Variants in DLGAP2 observed in about 807,000 individuals in gnomAD.
DLGAP2 encodes DLG associated protein 2.
DLGAP2 carries 26 observed loss-of-function variants against 100.3 expected under a neutral mutation model. The observed-to-expected ratio is 0.26, with a 90% confidence interval of 0.19 to 0.36. The LOEUF (loss-of-function observed/expected upper bound fraction) is 0.36, where lower values mean the gene tolerates loss of function less well. Ranked by LOEUF, DLGAP2 falls within the 10% of genes least tolerant of loss-of-function variation. The pLI is 1.00. For missense variants in DLGAP2, 1,858 were observed against 1,453.2 expected (o/e 1.28, Z -4.53); for synonymous variants, 886 against 630.1 (o/e 1.41, Z -6.08).
chr8:1,536,053 C>T (rs979327270), intron 4 of DLGAP2, among the ~76,000 whole-genome samples: 1 of 152,200 alleles, frequency 6.6e-6, no homozygotes, highest in Non-Finnish European at 1.5e-5. Context: ...GCCCCAGTTT[C>T]TCCATTAAAG....
At chr8:1,275,666 T>G (rs1019421016) in intron 3 of DLGAP2, among the ~76,000 whole-genome samples, 20 of 146,744 alleles carry the variant, frequency 1.4e-4, no homozygotes, top group African/African-American at 5.0e-4. Context: ...CTTCTGGAAC[T>G]TTGTCCCTGT....
chr8:1,528,917 AT>A (rs1396625957), intron 4 of DLGAP2, among the ~76,000 whole-genome samples: 2 of 152,228 alleles, frequency 1.3e-5, no homozygotes, highest in Non-Finnish European at 2.9e-5. Context: ...CCTTTCTGCA[AT>A]TTTTAAAAAT....
intron 2 of DLGAP2, among the ~76,000 whole-genome samples, chr8:1,127,756 A>G (rs1339813349): frequency 6.6e-6 from 1 of 152,168 alleles, no homozygotes; most frequent in Admixed American, 6.5e-5. Flanking sequence ...CCAGAGGAGG[A>G]CGGTTAACTA....
intron 2 of DLGAP2, among the ~76,000 whole-genome samples, chr8:1,167,748 AC>A (rs1437060564): frequency 1.3e-5 from 2 of 152,174 alleles, no homozygotes; most frequent in Admixed American, 1.3e-4. Flanking sequence ...CATTCAGTTG[AC>A]AAACATTTGT....
intron 8 of DLGAP2, among the ~76,000 whole-genome samples, chr8:1,640,412 G>A (rs978474771): frequency 3.9e-5 from 6 of 152,158 alleles, no homozygotes; most frequent in Non-Finnish European, 5.9e-5. Context: ...GCAGCACAGC[G>A]TAGTCCAAAT....
chr8:827,405 G>A (rs533557944), intron 1 of DLGAP2, among the ~76,000 whole-genome samples: 2 of 152,232 alleles, frequency 1.3e-5, no homozygotes, highest in South Asian at 4.1e-4. Flanking sequence ...ATACACATTT[G>A]GACTTTCAGG....
intron 3 of DLGAP2, among the ~76,000 whole-genome samples, chr8:1,493,559 G>T (rs1027212625): frequency 6.6e-6 from 1 of 152,234 alleles, no homozygotes; most frequent in African/African-American, 2.4e-5. Context: ...TGGGAGCCGC[G>T]AGGGTCCTGG....
rs781378594 is a variant in DLGAP2, at chr8:1,633,008, C to G, written c.1772C>G (p.Thr591Arg). Residue 591 changes from threonine (T) to arginine (R), a missense_variant, in exon 8 of 15, where the codon ACA (threonine) becomes AGA (arginine). Transcript: ENST00000637795. Reference protein sequence around the residue: ...SQDDECIPMMTPSDITSTIRS... With the variant: ...SQDDECIPMMRPSDITSTIRS... The stretch of plus-strand genomic sequence containing the variant: ...GATGACGAATGTATTCCCATGATGA[C>G]ACCCTCTGACATCACCTCCACCATC... 6.8e-6 allele frequency: 11 copies of G among 1,613,898 alleles called. No individual in the cohort carries two copies. The highest frequency in any genetic ancestry group is 9.3e-6 in the Non-Finnish European group (11 of 1,179,914).
intron 3 of DLGAP2, among the ~76,000 whole-genome samples, chr8:1,441,683 C>CA (rs35789497): frequency 0.034 from 2,542 of 74,212 alleles, 85 homozygotes; most frequent in African/African-American, 0.088. Context: ...GACTCCATCT[C>CA]AAAAAAAAAA....
At chr8:1,060,623 C>G (rs747421980) in intron 2 of DLGAP2, among the ~76,000 whole-genome samples, 4 of 152,218 alleles carry the variant, frequency 2.6e-5, no homozygotes, top group African/African-American at 4.8e-5. Context: ...GTAAAGACCT[C>G]ATTCCCGAGT....
intron 6 of DLGAP2, among the ~76,000 whole-genome samples, chr8:1,566,115 G>C (rs1185742720): frequency 2.0e-5 from 3 of 152,004 alleles, no homozygotes; most frequent in Non-Finnish European, 4.4e-5. Context: ...AGTGTGCTTG[G>C]GCAACTTCCT....
In DLGAP2 at chr8:1,350,711, T is replaced by A. The variant is rs113292117; in HGVS notation, c.106+91828T>A. Among the ~76,000 whole-genome samples, 72 of 63,136 alleles carry A rather than the reference T, an allele frequency of 1.1e-3. No individual in the cohort carries two copies. In the East Asian group the frequency reaches 0.016, roughly 14 times the overall value. 41.4% of individuals were successfully genotyped at this position (63,136 alleles called of 152,430 possible). On this transcript the variant is annotated intron_variant, in intron 3 of 14. Coordinates refer to ENST00000637795, the MANE Select transcript of DLGAP2 (RefSeq NM_001346810.2). ...GGAAAGGCCGTGCGGGTCCTGAGTG[T>A]GCGTGGAAAGGCCGTGCGGGTCCTG... is the stretch of plus-strand genomic sequence containing the variant.
At chr8:1,546,917 G>C (rs1425543885) in intron 4 of DLGAP2, among the ~76,000 whole-genome samples, 1 of 152,124 alleles carries the variant, frequency 6.6e-6, no homozygotes, top group East Asian at 1.9e-4. Context: ...ACGTGTGGGG[G>C]GATAGTTCCC....
chr8:767,356 T>TG (rs1253380606), intron 1 of DLGAP2, among the ~76,000 whole-genome samples: 1 of 150,132 alleles, frequency 6.7e-6, no homozygotes, highest in Non-Finnish European at 1.5e-5. Context: ...CTGTTTTTTT[T>TG]TTTTTTTTTT....
intron 2 of DLGAP2, among the ~76,000 whole-genome samples, chr8:936,188 G>T (rs559801908): frequency 1.3e-5 from 2 of 152,308 alleles, no homozygotes; most frequent in South Asian, 4.1e-4. Context: ...GTGAGCCTCT[G>T]TAGGAGTCTG....
At chr8:1,502,373 C>T (rs913763801) in intron 4 of DLGAP2, among the ~76,000 whole-genome samples, 3 of 152,150 alleles carry the variant, frequency 2.0e-5, no homozygotes, top group Admixed American at 1.3e-4. Context: ...AGAATAATAT[C>T]GAAAATTGAA....
chr8:1,193,682 C>G (rs1415976472), intron 2 of DLGAP2, among the ~76,000 whole-genome samples: 1 of 152,138 alleles, frequency 6.6e-6, no homozygotes, highest in Non-Finnish European at 1.5e-5. Context: ...ATTGAAGCCA[C>G]CTGAGTCTCG....
chr8:832,550 G>C (rs1796801983), intron 1 of DLGAP2, among the ~76,000 whole-genome samples: 1 of 152,228 alleles, frequency 6.6e-6, no homozygotes, highest in Non-Finnish European at 1.5e-5. Flanking sequence ...TATTTACTGA[G>C]AAGTGATACT....
At chr8:1,696,204 T>A (rs1799394602) in intron 13 of DLGAP2, among the ~76,000 whole-genome samples, 1 of 152,116 alleles carries the variant, frequency 6.6e-6, no homozygotes, top group African/African-American at 2.4e-5. Flanking sequence ...TCATTCAGAT[T>A]TCAATGTAGG....
Sources: gnomAD v4.1 joint callset for allele counts (sites outside exome capture counted in the v4.1 genomes callset) on GRCh38, gnomAD v4.1.1 for gene constraint, MANE v1.5 for transcripts, NCBI Gene and HGNC (gene_info 2026-07-23, HGNC 2026-07-21) for gene names.